The following SCNN1D variants were observed in gnomAD, a reference collection of about 807,000 sequenced individuals.
The protein encoded by SCNN1D is sodium channel epithelial 1 subunit delta.
A neutral mutation model predicts 87.8 loss-of-function variants in SCNN1D; 104 were observed. That is an observed-to-expected ratio of 1.18 (90% confidence interval 1.01 to 1.39). SCNN1D has a LOEUF of 1.39. Among genes scored for constraint, SCNN1D ranks in the 40% most tolerant of loss-of-function variants. The pLI is 0.00. For missense variants in SCNN1D, 1,324 were observed against 1,093.9 expected (o/e 1.21, Z -2.97); for synonymous variants, 628 against 481.2 (o/e 1.31, Z -3.99).
Position 1,291,588 on chromosome 1 carries a change from C to T in SCNN1D, c.2387C>T (p.Pro796Leu). 2 of 1,548,058 alleles carry T rather than the reference C, an allele frequency of 1.3e-6. No individual in the cohort carries two copies. The highest frequency in any genetic ancestry group is 1.2e-5 in the South Asian group (1 of 83,772). ...SAEESWAGPQ[P>L]LETLDT ...GAAGAGAGCTGGGCTGGGCCCCAGC[C>T]CCTTGAGACTCTGGACACCTGAACC... The change falls in exon 18 of 18, where the codon CCC becomes CTC. Residue 796 changes from proline to leucine, a missense_variant. By Grantham distance (98) the Pro-to-Leu change is moderately conservative. Coordinates refer to ENST00000379116, the MANE Select transcript of SCNN1D (RefSeq NM_001130413.4).
rs1640485787 is a variant in SCNN1D at position 1,282,290 on chromosome 1, C to G, written c.326C>G (p.Ala109Gly). 1.3e-6 allele frequency: 2 copies of G among 1,550,080 alleles called. No individual in the cohort carries two copies. The highest frequency in any genetic ancestry group is 1.7e-6 in the Non-Finnish European group (2 of 1,146,714). The change falls in exon 4 of 18, where the codon GCA becomes GGA. Residue 109 changes from alanine (A) to glycine (G), a missense_variant. Physicochemically the swap from Ala to Gly is moderately conservative, Grantham distance 60. Transcript: ENST00000379116. The part of the protein sequence containing the change: ...MAFLSRTSPV[A>G]AASFQSRQEA... Reference sequence around the variant, plus strand: ...TTCCTCTCCAGGACGTCACCGGTGGCAGCTGCTTCCTTCCAGAGCCGGCAG... The same window carrying G: ...TTCCTCTCCAGGACGTCACCGGTGGGAGCTGCTTCCTTCCAGAGCCGGCAG...
Position 1,290,352 on chromosome 1 carries a change from G to A in SCNN1D, c.1744G>A (p.Ala582Thr), listed in dbSNP as rs772963043. 6 of 1,597,596 alleles carry A rather than the reference G, an allele frequency of 3.8e-6. No homozygotes were observed. Among genetic ancestry groups the A allele is most frequent in the South Asian group, 2.2e-5 (2 of 89,092 alleles). The change falls in exon 13 of 18, where the codon GCT (alanine) becomes ACT (threonine). Residue 582 changes from alanine to threonine, a missense_variant. Coordinates refer to ENST00000379116, the MANE Select transcript of SCNN1D (RefSeq NM_001130413.4). ...GYYLHPLPAG[A>T]EYCSSARHPA... ...CTACCTCCACCCTCTGCCGGCGGGG[G>A]CTGAGTACTGCAGCTCTGCCCGGCA...
intron 16 of SCNN1D, 29 bp from the exon 17 acceptor site, chr1:1,291,036 A>G: frequency 6.4e-7 from 1 of 1,568,286 alleles, no homozygotes; most frequent in Non-Finnish European, 8.7e-7. Context: ...GGTCTGGGCC[A>G]GCGCCCTCAT....
At chr1:1,288,109 C>A (rs529754067) in intron 12 of SCNN1D, 72 bp downstream of exon 12, 8 of 321,116 alleles carry the variant, frequency 2.5e-5, no homozygotes, top group Admixed American at 4.4e-5. Flanking sequence ...GCGGGTGGAA[C>A]GGGGGAGGGG....
At chr1:1,290,862 G>C (rs1010975578) in intron 15 of SCNN1D, 33 bp from the exon 16 acceptor site, 1 of 1,605,956 alleles carries the variant, frequency 6.2e-7, no homozygotes, top group Non-Finnish European at 8.5e-7. Context: ...GGGCATGGGG[G>C]AGCCGTGGCC....
intron 17 of SCNN1D, 38 bp from the exon 18 acceptor site, chr1:1,291,216 G>C: frequency 2.5e-6 from 4 of 1,570,250 alleles, no homozygotes; most frequent in Non-Finnish European, 3.5e-6. Flanking sequence ...GGGCACGGGG[G>C]CCTGGGCCCG....
In SCNN1D at chr1:1,291,050, T is replaced by TC. The variant is rs1315738114; in HGVS notation, c.1977-14dup. ...AGGTCTGGGCCAGCGCCCTCATGCCTCTATCCTGCCCCAGGAGCAGCCTGG... is the reference window on the plus strand; with the variant it reads ...AGGTCTGGGCCAGCGCCCTCATGCCTCCTATCCTGCCCCAGGAGCAGCCTGG... On this transcript the variant is annotated splice_polypyrimidine_tract_variant and intron_variant, in intron 16 of 17. Transcript: ENST00000379116. The TC allele has an allele frequency of 1.9e-6, 3 of 1,603,102 alleles. No individual in the cohort carries two copies. The highest frequency in any genetic ancestry group is 2.5e-6 in the Non-Finnish European group (3 of 1,176,654).
In SCNN1D at chr1:1,291,153, C is replaced by G. The variant is rs957186674; in HGVS notation, c.2052+13C>G. Reference sequence around the variant, plus strand: ...GCCCGTGTACTCGGTGAGCCTTGGCCCCCTGCCTGGGCTAGAGCGGGGGCA... The same window carrying G: ...GCCCGTGTACTCGGTGAGCCTTGGCGCCCTGCCTGGGCTAGAGCGGGGGCA... On this transcript the variant is annotated intron_variant, in intron 17 of 17. Transcript: ENST00000379116. 9 of 1,610,190 alleles carry G rather than the reference C, an allele frequency of 5.6e-6. No individual in the cohort carries two copies. In the Admixed American group the frequency reaches 1.5e-4, roughly 27 times the overall value.
intron 7 of SCNN1D, among the ~76,000 whole-genome samples, 173 bp from the exon 8 acceptor site, chr1:1,286,595 C>G (rs1047096236): frequency 6.6e-6 from 1 of 152,082 alleles, no homozygotes; most frequent in East Asian, 1.9e-4. Flanking sequence ...GGCTGGGCTC[C>G]GGGGCCGACC....
rs371563230 is a variant in SCNN1D at position 1,288,221 on chromosome 1, CCG to C, written c.1662+185_1662+186del. On this transcript the variant is annotated intron_variant, in intron 12 of 17. Coordinates refer to ENST00000379116, the MANE Select transcript of SCNN1D (RefSeq NM_001130413.4). Reference sequence around the variant, plus strand: ...CCATTCCCTGTGTCTCTGCTCCGTCCCGTGTCTCTGCTCCGTCCCGTGTCTCT... The same window carrying C: ...CCATTCCCTGTGTCTCTGCTCCGTCCTGTCTCTGCTCCGTCCCGTGTCTCT... 4.9e-3 allele frequency among the ~76,000 whole-genome samples: 669 copies of C among 135,410 alleles called. 2 individuals are homozygous for C. The highest frequency in any genetic ancestry group is 0.03 in the South Asian group (109 of 3,636). The allele number at this position is 135,410 out of a possible 152,430, so 88.8% of individuals were successfully genotyped here.
Position 1,291,485 on chromosome 1 carries a change from A to G in SCNN1D, c.2284A>G (p.Thr762Ala). ...ASQMPPPAGG[T>A]SDDPEPSGPH... ...TCAGATGCCCCCGCCTGCAGGCGGC[A>G]CGTCAGATGACCCGGAGCCCAGCGG... is the stretch of plus-strand genomic sequence containing the variant. The change falls in exon 18 of 18, where the codon ACG (threonine) becomes GCG (alanine). Residue 762 changes from threonine to alanine, a missense_variant. Coordinates refer to ENST00000379116, the MANE Select transcript of SCNN1D (RefSeq NM_001130413.4). The G allele has an allele frequency of 6.2e-7, 1 of 1,609,168 alleles. No homozygotes were observed. Among genetic ancestry groups the G allele is most frequent in the Non-Finnish European group, 8.5e-7 (1 of 1,177,736 alleles).
intron 5 of SCNN1D, among the ~76,000 whole-genome samples, chr1:1,284,617 G>A (rs946940674): frequency 2.6e-4 from 39 of 151,514 alleles, no homozygotes; most frequent in South Asian, 2.1e-4. Context: ...GGTGCCGAGC[G>A]TGTGCTGGAC....
chr1:1,290,323 G>T lies in SCNN1D; in HGVS notation c.1715G>T (p.Gly572Val), dbSNP rs767004724. 3.1e-6 allele frequency: 5 copies of T among 1,594,304 alleles called. No homozygotes were observed. The highest frequency in any genetic ancestry group is 2.2e-5 in the East Asian group (1 of 44,676). Residue 572 changes from glycine (G) to valine (V), a missense_variant, in exon 13 of 18, where the codon GGC (glycine) becomes GTC (valine). Coordinates refer to ENST00000379116, the MANE Select transcript of SCNN1D (RefSeq NM_001130413.4). The part of the protein sequence containing the change: ...QQLMVETCSC[G>V]YYLHPLPAGA... Reference sequence around the variant, plus strand: ...CTGATGGTGGAGACCTGCTCCTGTGGCTACTACCTCCACCCTCTGCCGGCG... The same window carrying T: ...CTGATGGTGGAGACCTGCTCCTGTGTCTACTACCTCCACCCTCTGCCGGCG...
Position 1,280,511 on chromosome 1 carries a change from T to G in SCNN1D, c.-151T>G. On this transcript the variant is annotated 5_prime_UTR_variant, in exon 1 of 18. Coordinates refer to ENST00000379116, the MANE Select transcript of SCNN1D (RefSeq NM_001130413.4). Reference sequence around the variant, plus strand: ...GTTATCAGTAGAAGGGAATGTCTGGTTACAGTATGGCGTTGTGCAGATGAA... The same window carrying G: ...GTTATCAGTAGAAGGGAATGTCTGGGTACAGTATGGCGTTGTGCAGATGAA... The G allele has an allele frequency of 1.8e-6, 1 of 542,722 alleles. No individual in the cohort carries two copies. Among genetic ancestry groups the G allele is most frequent in the Non-Finnish European group, 3.3e-6 (1 of 298,662 alleles). 33.6% of individuals were successfully genotyped at this position (542,722 alleles called of 1,614,324 possible).
intron 4 of SCNN1D, among the ~76,000 whole-genome samples, chr1:1,283,205 G>T (rs934398491): frequency 1.3e-5 from 2 of 152,174 alleles, no homozygotes; most frequent in African/African-American, 4.8e-5. Context: ...TGCCTACTCG[G>T]GGGAGCAGGT....
intron 12 of SCNN1D, among the ~76,000 whole-genome samples, chr1:1,288,532 C>T (rs1429792334): frequency 2.1e-5 from 2 of 95,274 alleles, no homozygotes; most frequent in Non-Finnish European, 4.1e-5. Flanking sequence ...TGCTCCGTCC[C>T]GTGTCTCTGC....
chr1:1,284,275 G>C (rs1286876221), intron 5 of SCNN1D, among the ~76,000 whole-genome samples, 185 bp downstream of exon 5: 1 of 99,498 alleles, frequency 1.0e-5, no homozygotes, highest in African/African-American at 4.1e-5. Context: ...GGGTTGGGGG[G>C]ACCCGCCTCG....
rs1189239898 is a variant in SCNN1D, at chr1:1,287,746, C to G, written c.1473C>G (p.Val491=). The change falls in exon 11 of 18, where the codon GTC becomes GTG. Residue 491 remains valine, a synonymous_variant. Transcript: ENST00000379116. ...TGTCCACGCTGGCCGGCATCAGGGT[C>G]ATGGTTCACGGCCGTAACCACACGC... ...PLLSTLAGIR[V]MVHGRNHTPF... 13 of 1,607,186 alleles carry G rather than the reference C, an allele frequency of 8.1e-6. No homozygotes were observed. The highest frequency in any genetic ancestry group is 1.0e-5 in the Non-Finnish European group (12 of 1,177,324).
chr1:1,291,984 C>G lies in SCNN1D; in HGVS notation c.*374C>G. 1 of 185,342 alleles carries G rather than the reference C, an allele frequency of 5.4e-6. No individual in the cohort carries two copies. The highest frequency in any genetic ancestry group is 1.1e-5 in the Non-Finnish European group (1 of 89,132). The allele number at this position is 185,342 out of a possible 1,614,324, so 11.5% of individuals were successfully genotyped here. ...GAGGCAGAAGGCAAGGCAGGCCCCACGGACACACTTGGGCTGCTCTGAAAT... is the reference window on the plus strand; with the variant it reads ...GAGGCAGAAGGCAAGGCAGGCCCCAGGGACACACTTGGGCTGCTCTGAAAT... On this transcript the variant is annotated 3_prime_UTR_variant, in exon 18 of 18. Transcript: ENST00000379116.
Sources: gnomAD v4.1 joint callset for allele counts (sites outside exome capture counted in the v4.1 genomes callset) on GRCh38, gnomAD v4.1.1 for gene constraint, MANE v1.5 for transcripts, NCBI Gene and HGNC (gene_info 2026-07-23, HGNC 2026-07-21) for gene names.